C3AR1: variants seen among roughly 807,000 people sequenced by gnomAD.
The protein encoded by C3AR1 is complement C3a receptor 1, also known as C3a anaphylatoxin chemotactic receptor.
For synonymous variants in C3AR1, 208 were observed against 225.3 expected, an observed-to-expected ratio of 0.92 and a Z score of 0.69; for missense variants, 579 against 583.5, an observed-to-expected ratio of 0.99 and a Z score of 0.08.
Position 8,057,684 on chromosome 12 carries a change from A to C in C3AR1, c.*1053T>G, listed in dbSNP as rs1947206054. On this transcript the variant is annotated 3_prime_UTR_variant, in exon 2 of 2. Coordinates refer to ENST00000307637, the MANE Select transcript of C3AR1 (RefSeq NM_004054.4). ...AGAAGATATATTTGGTAATTTTGGC[A>C]TGTAAGTTGCCTGTCGTCATGTTTT... Among the ~76,000 whole-genome samples, 1 of 152,202 alleles carries C rather than the reference A, an allele frequency of 6.6e-6. No individual in the cohort carries two copies. The highest frequency in any genetic ancestry group is 2.4e-5 in the African/African-American group (1 of 41,450).
intron 1 of C3AR1, among the ~76,000 whole-genome samples, chr12:8,064,916 G>A (rs1947314942): frequency 6.6e-6 from 1 of 151,866 alleles, no homozygotes; most frequent in Admixed American, 6.6e-5. Flanking sequence ...GTCTTGCTAT[G>A]TTGCCCAAGC....
chr12:8,064,554 T>C (rs1947309672), intron 1 of C3AR1, among the ~76,000 whole-genome samples: 2 of 151,986 alleles, frequency 1.3e-5, no homozygotes, highest in Admixed American at 6.6e-5. Context: ...GTGGGCATGG[T>C]GGCACATGCC....
rs777825287 is a variant in C3AR1 at position 8,057,701 on chromosome 12, T to C, written c.*1036A>G. On this transcript the variant is annotated 3_prime_UTR_variant, in exon 2 of 2. Transcript: ENST00000307637. ...ATTTTGGCATGTAAGTTGCCTGTCGTCATGTTTTAAAATGTGATGGCAAGC... is the reference window on the plus strand; with the variant it reads ...ATTTTGGCATGTAAGTTGCCTGTCGCCATGTTTTAAAATGTGATGGCAAGC... Among the ~76,000 whole-genome samples the C allele has an allele frequency of 3.9e-5, 6 of 152,188 alleles. No homozygotes were observed. The highest frequency in any genetic ancestry group is 7.3e-5 in the Non-Finnish European group (5 of 68,038).
chr12:8,059,566 A>C lies in C3AR1; in HGVS notation c.620T>G (p.Met207Arg), dbSNP rs770037383. 15 of 1,614,082 alleles carry C rather than the reference A, an allele frequency of 9.3e-6. No homozygotes were observed. The East Asian group carries it at 3.1e-4, about 34-fold the overall frequency. Residue 207 changes from methionine (M) to arginine (R), a missense_variant, in exon 2 of 2, where the codon ATG becomes AGG. Met to Arg is a moderately conservative substitution (Grantham distance 91, BLOSUM62 -1). Coordinates refer to ENST00000307637, the MANE Select transcript of C3AR1 (RefSeq NM_004054.4). ...AGAGGAAGGATCTAACCTATCATTC[A>C]TTTCTCCAGGCGGCTGAACAATGTT... ...LENIVQPPGE[M>R]NDRLDPSSFQ...
chr12:8,059,656 C>G lies in C3AR1; in HGVS notation c.530G>C (p.Gly177Ala). ...DNHNRCGYKF[G>A]LSSSLDYPDF... is the part of the protein sequence containing the mutation. Reference sequence around the variant, plus strand: ...TGGATAATCTAATGAGCTGGAGAGACCAAATTTGTAGCCACATCTATTATG... The same window carrying G: ...TGGATAATCTAATGAGCTGGAGAGAGCAAATTTGTAGCCACATCTATTATG... The change falls in exon 2 of 2, where the codon GGT becomes GCT. Residue 177 changes from glycine (G) to alanine (A), a missense_variant. Transcript: ENST00000307637. The G allele has an allele frequency of 6.2e-7, 1 of 1,614,116 alleles. No individual in the cohort carries two copies. Among genetic ancestry groups the G allele is most frequent in the Non-Finnish European group, 8.5e-7 (1 of 1,180,022 alleles).
At position 8,058,909 on chromosome 12, in the gene C3AR1, G is replaced by C. The variant is rs1358103666; in HGVS notation, c.1277C>G (p.Ala426Gly). ...WDHVCIALAS[A>G]NSCFNPFLYA... ...AAGGAAGGGATTAAAGCAACTATTG[G>C]CAGATGCTAGAGCAATGCATACATG... Residue 426 changes from alanine to glycine, a missense_variant, in exon 2 of 2, where the codon GCC (alanine) becomes GGC (glycine). By Grantham distance (60) the Ala-to-Gly change is moderately conservative. Coordinates refer to ENST00000307637, the MANE Select transcript of C3AR1 (RefSeq NM_004054.4). 6.2e-7 allele frequency: 1 copy of C among 1,614,070 alleles called. No individual in the cohort carries two copies. The highest frequency in any genetic ancestry group is 8.5e-7 in the Non-Finnish European group (1 of 1,179,966).
chr12:8,062,788 C>T (rs1052532167), intron 1 of C3AR1, among the ~76,000 whole-genome samples: 15 of 151,922 alleles, frequency 9.9e-5, no homozygotes, highest in African/African-American at 3.1e-4. Flanking sequence ...GGATTACAGG[C>T]ATGCGCCACC....
Position 8,059,508 on chromosome 12 carries a change from G to A in C3AR1, c.678C>T (p.Pro226=). The change falls in exon 2 of 2, where the codon CCC becomes CCT. Residue 226 remains proline, a synonymous_variant. Coordinates refer to ENST00000307637, the MANE Select transcript of C3AR1 (RefSeq NM_004054.4). ...FQTNDHPWTV[P]TVFQPQTFQR... is the part of the protein sequence containing the mutation. ...GAAATGTTTGAGGTTGGAAGACAGT[G>A]GGGACTGTCCAAGGATGATCATTTG... 1 of 1,613,990 alleles carries A rather than the reference G, an allele frequency of 6.2e-7. No homozygotes were observed. Among genetic ancestry groups the A allele is most frequent in the South Asian group, 1.1e-5 (1 of 91,082 alleles).
chr12:8,065,370 G>C (rs866867811), intron 1 of C3AR1, among the ~76,000 whole-genome samples: 1 of 152,104 alleles, frequency 6.6e-6, no homozygotes, highest in Non-Finnish European at 1.5e-5. Context: ...TTAGAACAAG[G>C]CTGGGTGTGG....
chr12:8,062,949 CTTTTTT>C (rs71451936), intron 1 of C3AR1, among the ~76,000 whole-genome samples: 1 of 56,316 alleles, frequency 1.8e-5, no homozygotes, highest in African/African-American at 7.1e-5. Context: ...GCGCCCGGCC[CTTTTTT>C]TTTTTTTTTT....
intron 1 of C3AR1, among the ~76,000 whole-genome samples, chr12:8,063,117 C>G (rs754982710): frequency 1.9e-4 from 29 of 151,120 alleles, no homozygotes; most frequent in African/African-American, 7.1e-4. Context: ...ACCACCACGC[C>G]CGGCTAATTT....
At position 8,060,039 on chromosome 12, in the gene C3AR1, G is replaced by T; in HGVS notation, c.147C>A (p.Gly49=). ...PGNGLVLWVA[G]LKMQRTVNTI... is the part of the protein sequence containing the mutation. ...TGTTCACTGTCCGCTGCATCTTCAG[G>T]CCAGCCACCCACAGCACCAGCCCAT... is the stretch of plus-strand genomic sequence containing the variant. Residue 49 remains glycine, a synonymous_variant, in exon 2 of 2, where the codon GGC becomes GGA. Coordinates refer to ENST00000307637, the MANE Select transcript of C3AR1 (RefSeq NM_004054.4). The T allele has an allele frequency of 6.2e-7, 1 of 1,614,060 alleles. No homozygotes were observed. The highest frequency in any genetic ancestry group is 8.5e-7 in the Non-Finnish European group (1 of 1,180,012).
Position 8,058,956 on chromosome 12 carries a change from C to T in C3AR1, c.1230G>A (p.Gly410=). 1 of 1,614,142 alleles carries T rather than the reference C, an allele frequency of 6.2e-7. No individual in the cohort carries two copies. Among genetic ancestry groups the T allele is most frequent in the Non-Finnish European group, 8.5e-7 (1 of 1,180,030 alleles). ...CATGATCCCAGGACATCAGAGTTTT[C>T]CCCAAGGGAGTTTCTGGGTCAGTAA... ...SLLTDPETPL[G]KTLMSWDHVC... The change falls in exon 2 of 2, where the codon GGG becomes GGA. Residue 410 remains glycine (G), a synonymous_variant. Transcript: ENST00000307637.
Position 8,059,452 on chromosome 12 carries a change from C to A in C3AR1, c.734G>T (p.Gly245Val), listed in dbSNP as rs772464653. ...ATTTTGACTTGTTAACCTAGCAGAACCCCTAGGGAGTGAATCTGCAGAAGG... is the reference window on the plus strand; with the variant it reads ...ATTTTGACTTGTTAACCTAGCAGAAACCCTAGGGAGTGAATCTGCAGAAGG... ...QRPSADSLPR[G>V]SARLTSQNLY... Residue 245 changes from glycine to valine, a missense_variant, in exon 2 of 2, where the codon GGT becomes GTT. Physicochemically the swap from Gly to Val is moderately radical, Grantham distance 109. Transcript: ENST00000307637. 3 of 1,613,914 alleles carry A rather than the reference C, an allele frequency of 1.9e-6. No homozygotes were observed. In the South Asian group the frequency reaches 3.3e-5, roughly 18 times the overall value.
chr12:8,060,072 C>T lies in C3AR1; in HGVS notation c.114G>A (p.Leu38=). Residue 38 remains leucine, a synonymous_variant, in exon 2 of 2, where the codon TTG becomes TTA. Coordinates refer to ENST00000307637, the MANE Select transcript of C3AR1 (RefSeq NM_004054.4). ...CCCACAGCACCAGCCCATTGCCTGG[C>T]AATCCCAGTAAAAAAGTAAGGCTGA... ...VILSLTFLLG[L]PGNGLVLWVA... The T allele has an allele frequency of 6.2e-7, 1 of 1,614,134 alleles. No homozygotes were observed. The highest frequency in any genetic ancestry group is 8.5e-7 in the Non-Finnish European group (1 of 1,180,028).
At chr12:8,061,272 A>G (rs1947270790) in intron 1 of C3AR1, among the ~76,000 whole-genome samples, 1 of 152,310 alleles carries the variant, frequency 6.6e-6, no homozygotes. Context: ...TAGACAAACA[A>G]AAAAGAAAAT....
intron 1 of C3AR1, 109 bp from the exon 2 acceptor site, chr12:8,060,304 G>A: frequency 1.1e-6 from 1 of 911,214 alleles, no homozygotes; most frequent in South Asian, 1.7e-5. Context: ...CATGAAACCA[G>A]AAGGTCCTCA....
Position 8,059,215 on chromosome 12 carries a change from G to A in C3AR1, c.971C>T (p.Thr324Ile). The A allele has an allele frequency of 6.2e-7, 1 of 1,614,200 alleles. No homozygotes were observed. The highest frequency in any genetic ancestry group is 8.5e-7 in the Non-Finnish European group (1 of 1,180,036). The stretch of plus-strand genomic sequence containing the variant: ...GGGTGTTGGCACTTGATCGTCATCT[G>A]TGAATTGGCCTAAATTGTAATAATC... ...FQDYYNLGQF[T>I]DDDQVPTPLV... Residue 324 changes from threonine to isoleucine, a missense_variant, in exon 2 of 2, where the codon ACA (threonine) becomes ATA (isoleucine). By Grantham distance (89) the Thr-to-Ile change is moderately conservative. Coordinates refer to ENST00000307637, the MANE Select transcript of C3AR1 (RefSeq NM_004054.4).
In C3AR1 at chr12:8,059,557, C is replaced by T. The variant is rs901637940; in HGVS notation, c.629G>A (p.Arg210Lys). 3.7e-6 allele frequency: 6 copies of T among 1,614,066 alleles called. No homozygotes were observed. Among genetic ancestry groups the T allele is most frequent in the Non-Finnish European group, 5.1e-6 (6 of 1,180,028 alleles). The change falls in exon 2 of 2, where the codon AGG (arginine) becomes AAG (lysine). Residue 210 changes from arginine to lysine, a missense_variant. Arg to Lys is a conservative substitution (Grantham distance 26). Coordinates refer to ENST00000307637, the MANE Select transcript of C3AR1 (RefSeq NM_004054.4). The part of the protein sequence containing the change: ...IVQPPGEMND[R>K]LDPSSFQTND... ...TGTTTGGAAAGAGGAAGGATCTAAC[C>T]TATCATTCATTTCTCCAGGCGGCTG...
Sources: gnomAD v4.1 joint callset for allele counts (sites outside exome capture counted in the v4.1 genomes callset) on GRCh38, gnomAD v4.1.1 for gene constraint, MANE v1.5 for transcripts, NCBI Gene and HGNC (gene_info 2026-07-23, HGNC 2026-07-21) for gene names.